Variants in IGF1R observed in about 807,000 individuals in gnomAD.
IGF1R encodes insulin-like growth factor 1 receptor.
In IGF1R, 44 loss-of-function variants were observed where a neutral mutation model predicts 144.6. That is an observed-to-expected ratio of 0.30 (90% CI 0.24 to 0.39). The LOEUF is 0.39. Ranked by LOEUF, IGF1R falls within the 10% of genes least tolerant of loss-of-function variation. IGF1R has a pLI of 1.00. For missense variants in IGF1R, 1,355 were observed against 1,833.7 expected, an observed-to-expected ratio of 0.74 and a Z score of 4.77; for synonymous variants, 795 against 722.8, an observed-to-expected ratio of 1.10 and a Z score of -1.60.
intron 2 of IGF1R, among the ~76,000 whole-genome samples, chr15:98,821,674 T>G (rs944960710): frequency 6.6e-6 from 1 of 152,182 alleles, no homozygotes; most frequent in Non-Finnish European, 1.5e-5. Context: ...TTACCTTGAT[T>G]AGTGATGAGA....
intron 1 of IGF1R, among the ~76,000 whole-genome samples, chr15:98,653,638 C>A (rs2052420752): frequency 6.6e-6 from 1 of 152,166 alleles, no homozygotes; most frequent in Non-Finnish European, 1.5e-5. Flanking sequence ...GTGGCAAAGG[C>A]ATTTTTGTTT....
intron 1 of IGF1R, among the ~76,000 whole-genome samples, chr15:98,689,202 T>C (rs1241462148): frequency 6.6e-6 from 1 of 152,032 alleles, no homozygotes; most frequent in Non-Finnish European, 1.5e-5. Context: ...GGCGTCCTTT[T>C]CAAGGACAAG....
intron 2 of IGF1R, among the ~76,000 whole-genome samples, chr15:98,720,302 T>C (rs912060983): frequency 2.0e-5 from 3 of 152,210 alleles, no homozygotes; most frequent in African/African-American, 7.2e-5. Flanking sequence ...TTAAGCACCA[T>C]TGTCTATTGC....
intron 2 of IGF1R, among the ~76,000 whole-genome samples, chr15:98,883,390 G>A (rs1204519623): frequency 1.3e-5 from 2 of 152,178 alleles, no homozygotes; most frequent in Non-Finnish European, 2.9e-5. Flanking sequence ...TCTTTACTGT[G>A]TGTATGTGCA....
At position 98,876,073 on chromosome 15, in the gene IGF1R, C is replaced by T. The variant is rs866405877; in HGVS notation, c.641-15252C>T. On this transcript the variant is annotated intron_variant, in intron 2 of 20. Transcript: ENST00000650285. ...ATTTGCATGATAGTCTGGAATGAAC[C>T]GAATACCTAAAACCAGGAAATAATA... Among the ~76,000 whole-genome samples the T allele has an allele frequency of 3.9e-5, 6 of 151,998 alleles. No individual in the cohort carries two copies. The East Asian group carries it at 5.8e-4, about 15-fold the overall frequency.
chr15:98,824,057 C>T (rs992708820), intron 2 of IGF1R: 4 of 152,110 alleles, frequency 2.6e-5, no homozygotes, highest in African/African-American at 9.7e-5. Context: ...ATATGTTTGT[C>T]GCATAGCCAG....
chr15:98,674,998 T>G (rs951331632), intron 1 of IGF1R, among the ~76,000 whole-genome samples: 1 of 148,722 alleles, frequency 6.7e-6, no homozygotes, highest in African/African-American at 2.5e-5. Flanking sequence ...TTTTTTTTTT[T>G]TTTGAGACAA....
At chr15:98,765,723 C>A (rs1245933376) in intron 2 of IGF1R, among the ~76,000 whole-genome samples, 2 of 152,126 alleles carry the variant, frequency 1.3e-5, no homozygotes, top group Admixed American at 1.3e-4. Context: ...ACCAGCTGAT[C>A]TTATGTTTCA....
At chr15:98,936,614 ATT>A (rs11379462) in intron 17 of IGF1R, among the ~76,000 whole-genome samples, 7 of 142,586 alleles carry the variant, frequency 4.9e-5, no homozygotes, top group Admixed American at 2.1e-4. Flanking sequence ...TTTGGGCTTA[ATT>A]TTTTTTTTTT....
intron 2 of IGF1R, among the ~76,000 whole-genome samples, chr15:98,803,609 G>A (rs536510234): frequency 2.0e-5 from 3 of 151,870 alleles, no homozygotes; most frequent in Admixed American, 6.6e-5. Flanking sequence ...AGGCTCAAGC[G>A]ATCCTCTTAC....
At chr15:98,649,962 C>A (rs574745420) in intron 1 of IGF1R, among the ~76,000 whole-genome samples, 7 of 152,200 alleles carry the variant, frequency 4.6e-5, no homozygotes, top group African/African-American at 1.7e-4. Context: ...CGGCTAGGCG[C>A]GAGGACTCGG....
chr15:98,790,870 G>A (rs1280578657), intron 2 of IGF1R, among the ~76,000 whole-genome samples: 1 of 152,162 alleles, frequency 6.6e-6, no homozygotes, highest in Non-Finnish European at 1.5e-5. Context: ...ATTACCTTTA[G>A]TTCATTTACC....
At chr15:98,810,851 A>T (rs1322266150) in intron 2 of IGF1R, among the ~76,000 whole-genome samples, 1 of 150,754 alleles carries the variant, frequency 6.6e-6, no homozygotes, top group Non-Finnish European at 1.5e-5. Flanking sequence ...CCCAGCCTCT[A>T]AATGATTTTC....
intron 1 of IGF1R, among the ~76,000 whole-genome samples, chr15:98,659,878 A>G (rs896505057): frequency 8.5e-5 from 13 of 152,276 alleles, no homozygotes; most frequent in East Asian, 1.9e-4. Flanking sequence ...TGGCTATTCT[A>G]TGTGGTTAAG....
At chr15:98,667,416 C>T (rs987474384) in intron 1 of IGF1R, among the ~76,000 whole-genome samples, 1 of 152,150 alleles carries the variant, frequency 6.6e-6, no homozygotes, top group African/African-American at 2.4e-5. Context: ...TTGACCTCTG[C>T]AGGCAAGAAT....
chr15:98,859,612 A>G (rs1025056796), intron 2 of IGF1R, among the ~76,000 whole-genome samples: 1 of 152,232 alleles, frequency 6.6e-6, no homozygotes, highest in African/African-American at 2.4e-5. Flanking sequence ...TTTCTGATTA[A>G]ATTACGGTTT....
chr15:98,936,630 A>G (rs565404181), intron 17 of IGF1R, among the ~76,000 whole-genome samples: 133 of 133,170 alleles, frequency 1.0e-3, no homozygotes, highest in Non-Finnish European at 1.7e-3. Context: ...TTTTTTTTTT[A>G]ATGTTCTTTG....
intron 5 of IGF1R, among the ~76,000 whole-genome samples, chr15:98,906,738 C>T (rs759421835): frequency 5.3e-5 from 8 of 152,214 alleles, no homozygotes; most frequent in Non-Finnish European, 8.8e-5. Context: ...CAGGAGGGAG[C>T]CCTTACTGAA....
At chr15:98,730,317 G>A (rs1181197230) in intron 2 of IGF1R, among the ~76,000 whole-genome samples, 1 of 151,910 alleles carries the variant, frequency 6.6e-6, no homozygotes, top group African/African-American at 2.4e-5. Context: ...ACTAAAATAA[G>A]TGTTTTGAAA....
Sources: allele counts gnomAD v4.1 joint callset (sites outside exome capture counted in the v4.1 genomes callset), GRCh38; gene constraint gnomAD v4.1.1; transcripts MANE v1.5; gene names NCBI Gene and HGNC (gene_info 2026-07-23, HGNC 2026-07-21).